The following PCDHA7 variants were observed in gnomAD, a reference collection of about 807,000 sequenced individuals.
PCDHA7 encodes the protein protocadherin alpha 7.
In PCDHA7, 37 loss-of-function variants were observed where a neutral mutation model predicts 57.2. That is an observed-to-expected ratio of 0.65 (90% CI 0.50 to 0.85). The LOEUF is 0.85. PCDHA7 is among the 40% of genes least tolerant of loss of function. PCDHA7 has a pLI of 0.00. For missense variants in PCDHA7, 1,188 were observed against 1,241.8 expected, an observed-to-expected ratio of 0.96 and a Z score of 0.65; for synonymous variants, 553 against 558.8, an observed-to-expected ratio of 0.99 and a Z score of 0.15.
chr5:140,952,798 G>T (rs1554220633), intron 1 of PCDHA7, among the ~76,000 whole-genome samples: 1 of 152,138 alleles, frequency 6.6e-6, no homozygotes, highest in African/African-American at 2.4e-5. Flanking sequence ...TAACTGGCTC[G>T]CAGTTCTGCA....
In PCDHA7 at chr5:140,842,828, T is replaced by G. The variant is rs2150345538; in HGVS notation, c.2355+6090T>G. 123 of 1,593,622 alleles carry G rather than the reference T, an allele frequency of 7.7e-5. 15 individuals carry two copies. Among genetic ancestry groups the G allele is most frequent in the Admixed American group, 1.7e-4 (10 of 59,284 alleles). ...TGTGGAGCGGCGGGTGGGCGAGCGCTCGCTGTCGAGCTACATTTCGGTGCA... is the reference window on the plus strand; with the variant it reads ...TGTGGAGCGGCGGGTGGGCGAGCGCGCGCTGTCGAGCTACATTTCGGTGCA... On this transcript the variant is annotated intron_variant, in intron 1 of 3. Coordinates refer to ENST00000525929, the MANE Select transcript of PCDHA7 (RefSeq NM_018910.3).
chr5:140,856,274 G>T, intron 1 of PCDHA7: 1 of 1,598,358 alleles, frequency 6.3e-7, no homozygotes, highest in Non-Finnish European at 8.6e-7. Context: ...CCTTCTGGAG[G>T]TAAATCTGCA....
chr5:140,998,646 C>G (rs1413467899), intron 3 of PCDHA7, among the ~76,000 whole-genome samples: 1 of 151,870 alleles, frequency 6.6e-6, no homozygotes, highest in Non-Finnish European at 1.5e-5. Flanking sequence ...CTCACTGCAA[C>G]CTCTGCCTCC....
chr5:140,885,290 A>G (rs1344746797), intron 1 of PCDHA7, among the ~76,000 whole-genome samples: 2 of 152,190 alleles, frequency 1.3e-5, no homozygotes, highest in African/African-American at 4.8e-5. Context: ...ATATATAGAG[A>G]GAGACCTGGT....
At chr5:141,009,120 T>C (rs1383940737) in intron 3 of PCDHA7, among the ~76,000 whole-genome samples, 1 of 152,236 alleles carries the variant, frequency 6.6e-6, no homozygotes, top group African/African-American at 2.4e-5. Flanking sequence ...ACTAGATTCT[T>C]GGTATCCTGG....
intron 1 of PCDHA7, chr5:140,966,642 G>A (rs897727830): frequency 8.9e-7 from 1 of 1,117,790 alleles, no homozygotes; most frequent in East Asian, 3.1e-5. Flanking sequence ...GCGCTTTCTA[G>A]AGCGTGAGCG....
chr5:140,866,180 T>C (rs2049194377), intron 1 of PCDHA7: 1 of 152,136 alleles, frequency 6.6e-6, no homozygotes, highest in African/African-American at 2.4e-5. Context: ...GTAAGAAAAG[T>C]CAGAAAACTG....
At chr5:140,908,248 C>G (rs2073877594) in intron 1 of PCDHA7, among the ~76,000 whole-genome samples, 2 of 152,154 alleles carry the variant, frequency 1.3e-5, no homozygotes, top group South Asian at 4.1e-4. Context: ...TCCTCATCAA[C>G]TGATCATAGG....
intron 1 of PCDHA7, among the ~76,000 whole-genome samples, chr5:140,962,009 G>C (rs545144318): frequency 1.3e-4 from 19 of 151,596 alleles, no homozygotes; most frequent in African/African-American, 3.6e-4. Flanking sequence ...TCAGCTTCCC[G>C]AGTAGCTGGG....
chr5:140,884,239 C>T, intron 1 of PCDHA7: 1 of 1,613,424 alleles, frequency 6.2e-7, no homozygotes, highest in Non-Finnish European at 8.5e-7. Context: ...ACGGTGAGCC[C>T]GCGCTGACGG....
chr5:140,993,596 A>G (rs562427268), intron 3 of PCDHA7, among the ~76,000 whole-genome samples: 53 of 152,194 alleles, frequency 3.5e-4, no homozygotes, highest in Admixed American at 2.6e-4. Flanking sequence ...CTTGGCTCCA[A>G]TAGAGAATTT....
chr5:140,949,120 T>C (rs782586418), intron 1 of PCDHA7, among the ~76,000 whole-genome samples: 3 of 151,756 alleles, frequency 2.0e-5, no homozygotes, highest in Non-Finnish European at 4.4e-5. Flanking sequence ...ATATTTTTGG[T>C]TTTCCTAGCT....
At chr5:140,841,264 T>C (rs1777117018) in intron 1 of PCDHA7, 1 of 1,522,190 alleles carries the variant, frequency 6.6e-7, no homozygotes, top group Admixed American at 2.2e-5. Context: ...ACTCTGAAAG[T>C]ACAGTCGTTC....
intron 3 of PCDHA7, among the ~76,000 whole-genome samples, chr5:140,985,728 C>G (rs2097165709): frequency 6.7e-6 from 1 of 148,846 alleles, no homozygotes; most frequent in Admixed American, 6.8e-5. Flanking sequence ...TTTTCCTTCA[C>G]TGATGAATTC....
intron 1 of PCDHA7, among the ~76,000 whole-genome samples, chr5:140,888,361 C>G (rs1445087911): frequency 2.0e-5 from 3 of 152,156 alleles, no homozygotes; most frequent in Non-Finnish European, 4.4e-5. Flanking sequence ...CTACTGGCAT[C>G]TAATAATGGA....
intron 1 of PCDHA7, chr5:140,882,534 G>A (rs1554174427): frequency 8.7e-6 from 14 of 1,614,086 alleles, no homozygotes; most frequent in Non-Finnish European, 1.1e-5. Flanking sequence ...GTGAATTCTC[G>A]GATCGACCGC....
At chr5:140,923,071 C>T (rs1319984584) in intron 1 of PCDHA7, among the ~76,000 whole-genome samples, 2 of 152,202 alleles carry the variant, frequency 1.3e-5, no homozygotes, top group Non-Finnish European at 2.9e-5. Context: ...TAGGTCTCCT[C>T]ATGTCAGCAC....
chr5:140,911,792 T>C (rs1429471693), intron 1 of PCDHA7, among the ~76,000 whole-genome samples: 1 of 152,190 alleles, frequency 6.6e-6, no homozygotes, highest in Non-Finnish European at 1.5e-5. Context: ...TTTTTGGGTC[T>C]AATCATATTA....
At chr5:140,989,744 T>C (rs1354218140) in intron 3 of PCDHA7, among the ~76,000 whole-genome samples, 1 of 152,200 alleles carries the variant, frequency 6.6e-6, no homozygotes, top group Non-Finnish European at 1.5e-5. Context: ...CATTGCCTAA[T>C]CTGGAGAAAC....
Sources: allele counts gnomAD v4.1 joint callset (sites outside exome capture counted in the v4.1 genomes callset), GRCh38; gene constraint gnomAD v4.1.1; transcripts MANE v1.5; gene names NCBI Gene and HGNC (gene_info 2026-07-23, HGNC 2026-07-21).